The following ABCB9 variants were observed in gnomAD, a reference collection of about 807,000 sequenced individuals.
The protein encoded by ABCB9 is ABC-type oligopeptide transporter ABCB9.
ABCB9 carries 36 observed loss-of-function variants against 62.0 expected under a neutral mutation model. That is an observed-to-expected ratio of 0.58 (90% CI 0.45 to 0.77). The LOEUF (loss-of-function observed/expected upper bound fraction) is 0.77. Among genes scored for constraint, ABCB9 ranks in the 30% least tolerant of loss-of-function variants. The pLI is 0.00. For missense variants in ABCB9, 943 were observed against 1,054.7 expected (o/e 0.89, Z 1.47); for synonymous variants, 435 against 461.4 (o/e 0.94, Z 0.73).
chr12:122,939,094 C>G (rs568358834), intron 9 of ABCB9, among the ~76,000 whole-genome samples: 1 of 152,252 alleles, frequency 6.6e-6, no homozygotes, highest in Non-Finnish European at 1.5e-5. Flanking sequence ...ATAGCTTGAA[C>G]CCGGGAGGCG....
intron 1 of ABCB9, among the ~76,000 whole-genome samples, chr12:122,973,602 A>C (rs1484915744): frequency 3.3e-4 from 47 of 143,882 alleles, no homozygotes; most frequent in Non-Finnish European, 5.5e-4. Context: ...AAAAAAAAAA[A>C]AAAAAAACAA....
At chr12:122,920,616 T>C (rs1185408502), downstream of ABCB9, among the ~76,000 whole-genome samples, 1 of 152,034 alleles carries the variant, frequency 6.6e-6, no homozygotes, top group Non-Finnish European at 1.5e-5. Flanking sequence ...TAAAGTCACA[T>C]AAAGTGGGCC....
chr12:122,949,936 A>G lies in ABCB9; in HGVS notation c.717-18T>C. ...CAAATGAGCTAATTGCAGATAAGAG[A>G]TATTATAGCACGATGTCCTTCCAGA... On this transcript the variant is annotated intron_variant, in intron 3 of 11. Transcript: ENST00000280560. The G allele has an allele frequency of 6.2e-7, 1 of 1,613,878 alleles. No homozygotes were observed. Among genetic ancestry groups the G allele is most frequent in the Non-Finnish European group, 8.5e-7 (1 of 1,179,832 alleles).
chr12:122,973,709 A>C (rs1461994757), intron 1 of ABCB9, among the ~76,000 whole-genome samples: 2 of 150,900 alleles, frequency 1.3e-5, no homozygotes, highest in East Asian at 3.9e-4. Flanking sequence ...AAAACATAAA[A>C]AATTAGCCGG....
Position 122,953,215 on chromosome 12 carries a change from AT to A in ABCB9, c.602-2651del, listed in dbSNP as rs145121710. On this transcript the variant is annotated intron_variant, in intron 2 of 11. Transcript: ENST00000280560. ...TGCCTGGAGTGCTCTTACCACATAC[AT>A]TTTTTTTTTTTTTTGAGATGGAGTC... 3.4e-3 allele frequency: 478 copies of A among 138,670 alleles called. 2 individuals are homozygous for A. Among genetic ancestry groups the A allele is most frequent in the East Asian group, 4.8e-3 (23 of 4,824 alleles). 8.6% of individuals were successfully genotyped at this position (138,670 alleles called of 1,614,324 possible).
intron 10 of ABCB9, among the ~76,000 whole-genome samples, chr12:122,933,273 A>G (rs2035286051): frequency 6.6e-6 from 1 of 152,198 alleles, no homozygotes; most frequent in African/African-American, 2.4e-5. Flanking sequence ...TGTAAAGTGA[A>G]TAATCCGGGC....
chr12:122,939,874 C>T, intron 9 of ABCB9: 1 of 521,510 alleles, frequency 1.9e-6, no homozygotes, highest in South Asian at 2.8e-5. Context: ...CTATGTTGTC[C>T]AGGCTGGCCT....
downstream of ABCB9, among the ~76,000 whole-genome samples, chr12:122,918,883 A>G (rs1052770720): frequency 2.0e-5 from 3 of 152,300 alleles, no homozygotes; most frequent in South Asian, 4.1e-4. Context: ...GTATCCAGCA[A>G]GCAGTCACTC....
At chr12:122,968,739 C>T (rs2037237857), upstream of ABCB9, among the ~76,000 whole-genome samples, 1 of 151,268 alleles carries the variant, frequency 6.6e-6, no homozygotes, top group Non-Finnish European at 1.5e-5. Flanking sequence ...CACAGCCTCC[C>T]GAGTAGTTGG....
intron 7 of ABCB9, among the ~76,000 whole-genome samples, chr12:122,941,255 C>T (rs969266435): frequency 1.3e-5 from 2 of 151,686 alleles, no homozygotes; most frequent in African/African-American, 4.9e-5. Flanking sequence ...AAGGAACCGG[C>T]AGGGGTGTGG....
chr12:122,965,325 A>G (rs1241270157), intron 1 of ABCB9, among the ~76,000 whole-genome samples: 1 of 152,214 alleles, frequency 6.6e-6, no homozygotes, highest in Non-Finnish European at 1.5e-5. Flanking sequence ...CACCCCTGAC[A>G]TGGTGAGCTT....
At chr12:122,925,691 T>G (rs1283915538), downstream of ABCB9, among the ~76,000 whole-genome samples, 1 of 152,114 alleles carries the variant, frequency 6.6e-6, no homozygotes, top group African/African-American at 2.4e-5. Context: ...GAGCTTGCAG[T>G]GAGCCGAGAT....
chr12:122,944,604 G>A lies in ABCB9; in HGVS notation c.1252-85C>T. The A allele has an allele frequency of 6.4e-7, 1 of 1,555,134 alleles. No individual in the cohort carries two copies. The highest frequency in any genetic ancestry group is 1.4e-5 in the African/African-American group (1 of 74,034). ...TTCCCTGACCCATCCCAGGCTGCAG[G>A]GGGAGGTGAGGGCAGACCCAGCCAC... is the stretch of plus-strand genomic sequence containing the variant. On this transcript the variant is annotated intron_variant, in intron 6 of 11. Transcript: ENST00000280560. This position sits in a 1 kb window ranked among gnomAD's most constrained non-coding sequence, Gnocchi z 4.9.
At chr12:122,941,396 G>A (rs986666605) in intron 7 of ABCB9, among the ~76,000 whole-genome samples, 4 of 147,442 alleles carry the variant, frequency 2.7e-5, no homozygotes, top group Non-Finnish European at 3.0e-5. Context: ...TGCACCCTCC[G>A]CCTCCCAAGT....
intron 7 of ABCB9, among the ~76,000 whole-genome samples, chr12:122,941,940 G>C (rs1391512603): frequency 1.3e-5 from 2 of 151,840 alleles, no homozygotes; most frequent in Admixed American, 6.6e-5. Context: ...TGTTGCCCAG[G>C]CTGGTCTCGA....
chr12:122,942,618 C>CAAA lies in ABCB9; in HGVS notation c.1381-1626_1381-1624dup, dbSNP rs549481027. Among the ~76,000 whole-genome samples, 13 of 50,778 alleles carry CAAA rather than the reference C, an allele frequency of 2.6e-4. 1 individual carries two copies. The South Asian group carries it at 4.2e-3, about 16-fold the overall frequency. 33.3% of individuals were successfully genotyped at this position (50,778 alleles called of 152,430 possible). A position where few individuals can be genotyped will look rare whatever the true frequency, so the allele number is the denominator to read the frequency against. Reference sequence around the variant, plus strand: ...TGGGCGACAGAGCAAGACTCCATCTCAAAAAAAAAAAAAAAAAAAACCTAA... The same window carrying CAAA: ...TGGGCGACAGAGCAAGACTCCATCTCAAAAAAAAAAAAAAAAAAAAAAACCTAA... On this transcript the variant is annotated intron_variant, in intron 7 of 11. Coordinates refer to ENST00000280560, the MANE Select transcript of ABCB9 (RefSeq NM_019625.4).
chr12:122,932,100 G>A lies in ABCB9; in HGVS notation c.2040+92C>T, dbSNP rs111745259. 2,002 of 1,542,792 alleles carry A rather than the reference G, an allele frequency of 1.3e-3. 31 individuals are homozygous for A. In the African/African-American group the frequency reaches 0.023, roughly 17 times the overall value. Reference sequence around the variant, plus strand: ...TAGTCTGGGAGAGCTCCTGGGGCCCGTCTCTTCTCAGCATCCATCTGCTGG... The same window carrying A: ...TAGTCTGGGAGAGCTCCTGGGGCCCATCTCTTCTCAGCATCCATCTGCTGG... On this transcript the variant is annotated intron_variant, in intron 11 of 11. Coordinates refer to ENST00000280560, the MANE Select transcript of ABCB9 (RefSeq NM_019625.4). The surrounding 1 kb of genome is among the most constrained non-coding windows in gnomAD (Gnocchi z 4.7).
At chr12:122,950,302 G>A in intron 3 of ABCB9, 149 bp downstream of exon 3, 1 of 743,994 alleles carries the variant, frequency 1.3e-6, no homozygotes, top group South Asian at 1.8e-5. Flanking sequence ...GTGGAAGCCG[G>A]TTCCCAGGGT....
rs61738645 is a variant in ABCB9, at chr12:122,940,823, T to A, written c.1553A>T (p.His518Leu). The A allele has an allele frequency of 7.1e-5, 114 of 1,596,170 alleles. No individual in the cohort carries two copies. The African/African-American group carries it at 1.4e-3, about 19-fold the overall frequency. The change falls in exon 8 of 12, where the codon CAC (histidine) becomes CTC (leucine). Residue 518 changes from histidine (H) to leucine (L), a missense_variant. Physicochemically the swap from His to Leu is moderately conservative, Grantham distance 99. Coordinates refer to ENST00000280560, the MANE Select transcript of ABCB9 (RefSeq NM_019625.4). The surrounding 1 kb of genome is among the most constrained non-coding windows in gnomAD (Gnocchi z 4.8). ...CGCCCTCACCTGCAGGACCTGGGTG[T>A]GGGGCCGAGTGCGGTAGGTGAAGGT... is the stretch of plus-strand genomic sequence containing the variant. ...NVTFTYRTRP[H>L]TQVLQNVSFS...
Sources: allele counts gnomAD v4.1 joint callset (sites outside exome capture counted in the v4.1 genomes callset), GRCh38; gene constraint gnomAD v4.1.1; non-coding constraint Gnocchi (gnomAD v3.1); transcripts MANE v1.5; gene names NCBI Gene and HGNC (gene_info 2026-07-23, HGNC 2026-07-21).